The following KALRN variants were observed in gnomAD, a reference collection of about 807,000 sequenced individuals.
KALRN encodes the protein kalirin.
A neutral mutation model predicts 353.7 loss-of-function variants in KALRN; 70 were observed. The observed-to-expected ratio is 0.20, with a 90% CI of 0.16 to 0.24. KALRN has a LOEUF of 0.24. KALRN is among the 10% of genes least tolerant of loss of function. The pLI, the probability that KALRN is intolerant of heterozygous loss-of-function variation, is 1.00. For missense variants in KALRN, 2,791 were observed against 3,756.7 expected, an observed-to-expected ratio of 0.74 and a Z score of 6.72; for synonymous variants, 1,391 against 1,434.8, an observed-to-expected ratio of 0.97 and a Z score of 0.69.
Position 124,398,718 on chromosome 3 carries a change from C to T in KALRN, c.2193C>T (p.Asn731=), listed in dbSNP as rs745857963. 6.2e-7 allele frequency: 1 copy of T among 1,614,182 alleles called. No individual in the cohort carries two copies. Among genetic ancestry groups the T allele is most frequent in the East Asian group, 2.2e-5 (1 of 44,878 alleles). ...ACAGGGACTCGGCTGTGTCCAACAA[C>T]AAAACACCCCACAGCAGCTCCATCA... ...SEARDSAVSN[N]KTPHSSSISH... Residue 731 remains asparagine (N), a synonymous_variant, in exon 13 of 60, where the codon AAC becomes AAT. Coordinates refer to ENST00000682506, the MANE Select transcript of KALRN (RefSeq NM_001388419.1).
At chr3:124,677,580 G>C (rs754096897) in intron 49 of KALRN, 1 of 456,520 alleles carries the variant, frequency 2.2e-6, no homozygotes, top group African/African-American at 2.0e-5. Flanking sequence ...AATATAGACC[G>C]AGAAACTCTT....
chr3:124,258,624 C>G (rs1246288270), intron 3 of KALRN, among the ~76,000 whole-genome samples: 1 of 152,200 alleles, frequency 6.6e-6, no homozygotes, highest in Non-Finnish European at 1.5e-5. Flanking sequence ...AGCTACCACC[C>G]ATTCGGGGAT....
At chr3:124,093,338 C>T (rs544408016) in intron 1 of KALRN, among the ~76,000 whole-genome samples, 81 of 152,324 alleles carry the variant, frequency 5.3e-4, no homozygotes, top group Non-Finnish European at 1.1e-3. Flanking sequence ...GAAGGCATTG[C>T]TGGCATGGCC....
chr3:124,556,460 A>T (rs768065680), intron 33 of KALRN, among the ~76,000 whole-genome samples: 1 of 152,202 alleles, frequency 6.6e-6, no homozygotes, highest in Non-Finnish European at 1.5e-5. Context: ...CTTTTAATGG[A>T]ACCTAGTTTC....
intron 57 of KALRN, among the ~76,000 whole-genome samples, chr3:124,703,364 G>T (rs996114829): frequency 6.6e-6 from 1 of 152,084 alleles, no homozygotes; most frequent in Admixed American, 6.5e-5. Flanking sequence ...AGTATCTATA[G>T]TATTCTAGAT....
chr3:124,595,265 A>G (rs375221227), intron 34 of KALRN, among the ~76,000 whole-genome samples: 1 of 152,072 alleles, frequency 6.6e-6, no homozygotes, highest in Non-Finnish European at 1.5e-5. Flanking sequence ...CTTCTACTAC[A>G]TTTTAATGAA....
chr3:124,311,064 CTTTTTTTTTTTTT>C (rs71145446), intron 6 of KALRN, among the ~76,000 whole-genome samples: 5 of 67,496 alleles, frequency 7.4e-5, no homozygotes, highest in African/African-American at 1.2e-4. Flanking sequence ...GATACTACTT[CTTTTTTTTTTTTT>C]TTTTTTTTTT....
intron 33 of KALRN, among the ~76,000 whole-genome samples, chr3:124,534,629 T>C (rs1028930961): frequency 1.3e-5 from 2 of 152,084 alleles, no homozygotes; most frequent in Non-Finnish European, 1.5e-5. Context: ...AGTAAAGGAC[T>C]CTATGAACTG....
Position 124,674,541 on chromosome 3 carries a change from G to T in KALRN, c.7120G>T (p.Gly2374Cys), listed in dbSNP as rs1200150543. 6.2e-7 allele frequency: 1 copy of T among 1,613,620 alleles called. No homozygotes were observed. Among genetic ancestry groups the T allele is most frequent in the South Asian group, 1.1e-5 (1 of 90,914 alleles). Residue 2374 changes from glycine to cysteine, a missense_variant, in exon 49 of 60, where the codon GGC becomes TGC. By Grantham distance (159) the Gly-to-Cys change is radical. Transcript: ENST00000682506. ...PASDHSPAAE[G>C]WVPGSILAPL... ...CAGCGACCATTCCCCCGCCGCCGAG[G>T]GCTGGGTCCCAGGCAGCATCCTGGC...
intron 1 of KALRN, among the ~76,000 whole-genome samples, chr3:124,160,347 T>C (rs2069719003): frequency 6.6e-6 from 1 of 151,910 alleles, no homozygotes; most frequent in Non-Finnish European, 1.5e-5. Context: ...TCAGATGGGA[T>C]CTCTTGAATG....
intron 11 of KALRN, among the ~76,000 whole-genome samples, chr3:124,386,551 T>C (rs542117997): frequency 6.6e-6 from 1 of 152,258 alleles, no homozygotes; most frequent in East Asian, 1.9e-4. Flanking sequence ...CTAGACCAGA[T>C]TCTGCTGCTA....
chr3:124,647,598 T>G (rs138844695), intron 37 of KALRN, among the ~76,000 whole-genome samples: 26 of 152,340 alleles, frequency 1.7e-4, no homozygotes, highest in Non-Finnish European at 1.5e-5. Context: ...CACCCTCCAT[T>G]GTACCCTGTG....
At chr3:124,236,582 G>C (rs1322414132) in intron 3 of KALRN, among the ~76,000 whole-genome samples, 3 of 152,156 alleles carry the variant, frequency 2.0e-5, no homozygotes, top group Non-Finnish European at 4.4e-5. Context: ...TTTCTTTCCT[G>C]CGTGTTCATC....
chr3:124,254,184 A>T (rs77148870), intron 3 of KALRN, among the ~76,000 whole-genome samples: 2,022 of 152,218 alleles, frequency 0.013, 34 homozygotes, highest in African/African-American at 0.041. Flanking sequence ...TGCTTCTTCA[A>T]GGGAGGATTT....
At chr3:124,062,238 T>C (rs1234997917) in intron 1 of KALRN, among the ~76,000 whole-genome samples, 1 of 152,250 alleles carries the variant, frequency 6.6e-6, no homozygotes, top group Non-Finnish European at 1.5e-5. Flanking sequence ...TAAACTCCTT[T>C]GAGCTTCAGT....
Position 124,490,836 on chromosome 3 carries a change from C to A in KALRN, c.4539C>A (p.Ile1513=). ...FEISLVFSKE[I]KDSSGHTKYV... is the part of the protein sequence containing the mutation. ...TCTCCTTGGTTTTTAGCAAGGAGAT[C>A]AAAGATTCTTCAGGACACACGAAAT... Residue 1513 remains isoleucine, a synonymous_variant, in exon 30 of 60, where the codon ATC becomes ATA. Coordinates refer to ENST00000682506, the MANE Select transcript of KALRN (RefSeq NM_001388419.1). 6.2e-7 allele frequency: 1 copy of A among 1,613,866 alleles called. No homozygotes were observed.
rs1577747583 is a variant in KALRN at position 124,069,345 on chromosome 3, AG to A, written c.73+35534del. 1.2e-3 allele frequency among the ~76,000 whole-genome samples: 175 copies of A among 142,198 alleles called. 5 individuals carry two copies. Among genetic ancestry groups the A allele is most frequent in the East Asian group, 2.4e-3 (11 of 4,662 alleles). 93.3% of individuals were successfully genotyped at this position (142,198 alleles called of 152,430 possible). ...GAGGAGGAGGAGGAGGAGGAGGAGG[AG>A]GAGGAGGAGGAGGAGGAGGAGGAGG... On this transcript the variant is annotated intron_variant, in intron 1 of 59. Coordinates refer to ENST00000682506, the MANE Select transcript of KALRN (RefSeq NM_001388419.1).
intron 33 of KALRN, among the ~76,000 whole-genome samples, chr3:124,546,848 A>G (rs1053673746): frequency 1.3e-5 from 2 of 152,314 alleles, no homozygotes; most frequent in Admixed American, 6.5e-5. Flanking sequence ...GAGAATACAG[A>G]GACATCCTGG....
chr3:124,634,074 A>T, intron 36 of KALRN, 121 bp downstream of exon 36: 2 of 720,770 alleles, frequency 2.8e-6, no homozygotes, highest in Non-Finnish European at 4.7e-6. Flanking sequence ...ACATGAATCC[A>T]TGTTGATACC....
Sources: gnomAD v4.1 joint callset for allele counts (sites outside exome capture counted in the v4.1 genomes callset) on GRCh38, gnomAD v4.1.1 for gene constraint, MANE v1.5 for transcripts, NCBI Gene and HGNC (gene_info 2026-07-23, HGNC 2026-07-21) for gene names.